The following ZNF592 variants were observed in gnomAD, a reference collection of about 807,000 sequenced individuals.
The protein encoded by ZNF592 is spinocerebellar ataxia, autosomal recessive 5.
A neutral mutation model predicts 80.3 loss-of-function variants in ZNF592; 11 were observed. That is an observed-to-expected ratio of 0.14 (90% confidence interval 0.09 to 0.23). ZNF592 has a LOEUF of 0.23. ZNF592 is among the 10% of genes least tolerant of loss of function. The pLI is 1.00. For missense variants in ZNF592, 1,420 were observed against 1,633.9 expected (o/e 0.87, Z 2.26); for synonymous variants, 646 against 640.3 (o/e 1.01, Z -0.13).
At chr15:84,779,632 G>T (rs142536242) in intron 3 of ZNF592, among the ~76,000 whole-genome samples, 8 of 152,216 alleles carry the variant, frequency 5.3e-5, no homozygotes, top group Admixed American at 5.2e-4. Flanking sequence ...GATTACAGGT[G>T]TGAGCTACTG....
rs10667788 is a variant in ZNF592, at chr15:84,766,706, A to AGTGTGTGTGTGTGTGT, written c.-150+1910_-150+1925dup. 6.6e-3 allele frequency among the ~76,000 whole-genome samples: 927 copies of AGTGTGTGTGTGTGTGT among 140,228 alleles called. 8 individuals carry two copies. Among genetic ancestry groups the AGTGTGTGTGTGTGTGT allele is most frequent in the African/African-American group, 0.017 (628 of 36,856 alleles). The allele number at this position is 140,228 out of a possible 152,430, so 92.0% of individuals were successfully genotyped here. A position where few individuals can be genotyped will look rare whatever the true frequency, so the allele number is the denominator to read the frequency against. ...AATAGAGGGAGAGAGGATGAGAAAGAGTGTGTGTGTGTGTGTGTGTGTGTG... is the reference window on the plus strand; with the variant it reads ...AATAGAGGGAGAGAGGATGAGAAAGAGTGTGTGTGTGTGTGTGTGTGTGTGTGTGTGTGTGTGTGTG... On this transcript the variant is annotated intron_variant, in intron 2 of 10. Coordinates refer to ENST00000560079, the MANE Select transcript of ZNF592 (RefSeq NM_014630.3).
At chr15:84,792,427 C>T (rs957260605) in intron 5 of ZNF592, among the ~76,000 whole-genome samples, 1 of 152,184 alleles carries the variant, frequency 6.6e-6, no homozygotes, top group African/African-American at 2.4e-5. Flanking sequence ...CAATGACTCC[C>T]ACATTTCTGT....
At chr15:84,754,503 A>T (rs1291650713) in intron 1 of ZNF592, 1 of 152,198 alleles carries the variant, frequency 6.6e-6, no homozygotes, top group Non-Finnish European at 1.5e-5. Context: ...CTGACGTTGC[A>T]GTGAGCCAAG....
At chr15:84,794,092 C>T (rs554846679) in intron 5 of ZNF592, among the ~76,000 whole-genome samples, 13 of 150,172 alleles carry the variant, frequency 8.7e-5, no homozygotes, top group East Asian at 7.9e-4. Flanking sequence ...GGCCTGTCAG[C>T]GGGTGGGGGG....
At chr15:84,786,843 T>C (rs1281793631) in intron 4 of ZNF592, among the ~76,000 whole-genome samples, 1 of 133,974 alleles carries the variant, frequency 7.5e-6, no homozygotes, top group East Asian at 2.1e-4. Context: ...TTACGTATCT[T>C]TTTTTTTTTT....
chr15:84,762,876 T>C (rs1313603699), intron 1 of ZNF592, among the ~76,000 whole-genome samples: 1 of 152,216 alleles, frequency 6.6e-6, no homozygotes, highest in Non-Finnish European at 1.5e-5. Context: ...TAGAATCTCT[T>C]TGGCTCCGAT....
At position 84,798,269 on chromosome 15, in the gene ZNF592, T is replaced by A. The variant is rs749482533; in HGVS notation, c.2577-46T>A. On this transcript the variant is annotated intron_variant, in intron 6 of 10. Coordinates refer to ENST00000560079, the MANE Select transcript of ZNF592 (RefSeq NM_014630.3). The surrounding 1 kb of genome is among the most constrained non-coding windows in gnomAD (Gnocchi z 4.5). ...AGAGAGCAGAGATGGGTGGAGGGGC[T>A]GCATGGTGCCTTGGCCACCTCACCC... The A allele has an allele frequency of 6.2e-7, 1 of 1,613,286 alleles. No individual in the cohort carries two copies. The highest frequency in any genetic ancestry group is 8.5e-7 in the Non-Finnish European group (1 of 1,179,870).
chr15:84,779,323 CAAT>C (rs1165943141), intron 3 of ZNF592, among the ~76,000 whole-genome samples: 1 of 152,016 alleles, frequency 6.6e-6, no homozygotes, highest in Non-Finnish European at 1.5e-5. Flanking sequence ...TATTTAAAAA[CAAT>C]GTGATGCTTT....
intron 5 of ZNF592, among the ~76,000 whole-genome samples, chr15:84,793,179 CA>C (rs1273805748): frequency 6.6e-6 from 1 of 152,076 alleles, no homozygotes; most frequent in African/African-American, 2.4e-5. Flanking sequence ...CGAGTTCAAG[CA>C]ATTCTCCTGC....
chr15:84,784,917 C>G lies in ZNF592; in HGVS notation c.2220+22C>G. On this transcript the variant is annotated intron_variant, in intron 4 of 10. Transcript: ENST00000560079. This position sits in a 1 kb window ranked among gnomAD's most constrained non-coding sequence, Gnocchi z 5.8. ...GCTGGTAAGCAGACCCTCACTGTTA[C>G]GGGTATCGGGCCCCTGGCTCACACA... The G allele has an allele frequency of 1.2e-6, 2 of 1,613,786 alleles. No individual in the cohort carries two copies. The highest frequency in any genetic ancestry group is 1.7e-6 in the Non-Finnish European group (2 of 1,179,898).
At position 84,802,308 on chromosome 15, in the gene ZNF592, C is replaced by T. The variant is rs1408410379; in HGVS notation, c.3719C>T (p.Pro1240Leu). The T allele has an allele frequency of 1.9e-6, 3 of 1,613,700 alleles. No individual in the cohort carries two copies. The highest frequency in any genetic ancestry group is 4.5e-5 in the East Asian group (2 of 44,896). ...GCGAGGAGATTGCTGGGCCCGGCCCCTGAGGACGATGGTGGCCACAATGAT... is the reference window on the plus strand; with the variant it reads ...GCGAGGAGATTGCTGGGCCCGGCCCTTGAGGACGATGGTGGCCACAATGAT... ...PEARRLLGPA[P>L]EDDGGHNDHS... is the part of the protein sequence containing the mutation. The change falls in exon 11 of 11, where the codon CCT (proline) becomes CTT (leucine). Residue 1240 changes from proline (P) to leucine (L), a missense_variant. Physicochemically the swap from Pro to Leu is moderately conservative, Grantham distance 98. Coordinates refer to ENST00000560079, the MANE Select transcript of ZNF592 (RefSeq NM_014630.3).
Position 84,798,761 on chromosome 15 carries a change from C to T in ZNF592, c.2910C>T (p.Arg970=), listed in dbSNP as rs375943506. 2 of 1,607,394 alleles carry T rather than the reference C, an allele frequency of 1.2e-6. No homozygotes were observed. The highest frequency in any genetic ancestry group is 1.7e-6 in the Non-Finnish European group (2 of 1,179,804). The change falls in exon 8 of 11, where the codon CGC becomes CGT. Residue 970 remains arginine, a synonymous_variant. Transcript: ENST00000560079. This position sits in a 1 kb window ranked among gnomAD's most constrained non-coding sequence, Gnocchi z 4.5. The part of the protein sequence containing the change: ...SGRWGRPEAH[R]RVEARPRLRN... The stretch of plus-strand genomic sequence containing the variant: ...GCTGGGGTAGGCCTGAAGCCCACCG[C>T]AGGGTGGAAGCCAGGCCGCGGCTGA...
intron 2 of ZNF592, among the ~76,000 whole-genome samples, chr15:84,769,587 C>A (rs912137264): frequency 1.3e-5 from 2 of 150,834 alleles, no homozygotes; most frequent in African/African-American, 2.4e-5. Flanking sequence ...CGTAAGGAGG[C>A]CTTTGTGTGC....
chr15:84,769,904 T>G (rs1899649392), intron 2 of ZNF592, among the ~76,000 whole-genome samples: 1 of 152,076 alleles, frequency 6.6e-6, no homozygotes, highest in South Asian at 2.1e-4. Flanking sequence ...GCCTCCTGAG[T>G]AGCTGGTACT....
Position 84,799,728 on chromosome 15 carries a change from C to G in ZNF592, c.3138-114C>G. On this transcript the variant is annotated intron_variant, in intron 9 of 10. Transcript: ENST00000560079. This position sits in a 1 kb window ranked among gnomAD's most constrained non-coding sequence, Gnocchi z 4.2. ...CTGGATCTCTCTGGGGTTCCCAGCACTAGCCAGCCCAGGAGTCTGCTCCAG... is the reference window on the plus strand; with the variant it reads ...CTGGATCTCTCTGGGGTTCCCAGCAGTAGCCAGCCCAGGAGTCTGCTCCAG... 6.5e-7 allele frequency: 1 copy of G among 1,538,928 alleles called. No individual in the cohort carries two copies.
In ZNF592 at chr15:84,798,874, G is replaced by A. The variant is rs569175839; in HGVS notation, c.3023G>A (p.Arg1008Gln). The change falls in exon 8 of 11, where the codon CGG becomes CAG. Residue 1008 changes from arginine (R) to glutamine (Q), a missense_variant and splice_region_variant. Around this residue, in one of 7 missense-constraint regions of ZNF592, gnomAD observed 331 missense variants for 347.0 expected, o/e 0.95. Transcript: ENST00000560079. The surrounding 1 kb of genome is among the most constrained non-coding windows in gnomAD (Gnocchi z 4.5). ...YVSHMKKSHG[R>Q]TLKRYPCRQC... The stretch of plus-strand genomic sequence containing the variant: ...TCCCACATGAAAAAGAGCCACGGTC[G>A]GGTAAGTGCAGCCACACAGTCATAA... The A allele has an allele frequency of 2.3e-5, 36 of 1,597,896 alleles. 2 individuals carry two copies. In the South Asian group the frequency reaches 3.0e-4, roughly 13 times the overall value.
chr15:84,783,314 G>A lies in ZNF592; in HGVS notation c.639G>A (p.Gly213=), dbSNP rs1962477020. Residue 213 remains glycine (G), a synonymous_variant, in exon 4 of 11, where the codon GGG becomes GGA. Coordinates refer to ENST00000560079, the MANE Select transcript of ZNF592 (RefSeq NM_014630.3). The surrounding 1 kb of genome is among the most constrained non-coding windows in gnomAD (Gnocchi z 5.0). The part of the protein sequence containing the change: ...KEPKPEPLPL[G]SQQEHEQSGQ... Reference sequence around the variant, plus strand: ...CCAAGCCAGAACCCCTGCCCTTGGGGAGCCAGCAGGAACACGAGCAAAGTG... The same window carrying A: ...CCAAGCCAGAACCCCTGCCCTTGGGAAGCCAGCAGGAACACGAGCAAAGTG... 1 of 1,614,248 alleles carries A rather than the reference G, an allele frequency of 6.2e-7. No homozygotes were observed. Among genetic ancestry groups the A allele is most frequent in the Non-Finnish European group, 8.5e-7 (1 of 1,180,050 alleles).
Position 84,798,896 on chromosome 15 carries a change from A to T in ZNF592, c.3024+21A>T. On this transcript the variant is annotated intron_variant, in intron 8 of 10. Coordinates refer to ENST00000560079, the MANE Select transcript of ZNF592 (RefSeq NM_014630.3). This position sits in a 1 kb window ranked among gnomAD's most constrained non-coding sequence, Gnocchi z 4.5. ...GTCGGGTAAGTGCAGCCACACAGTC[A>T]TAATGCAGAGCCCAGTCCTCTGGAC... The T allele has an allele frequency of 1.3e-6, 2 of 1,598,266 alleles. No individual in the cohort carries two copies. The highest frequency in any genetic ancestry group is 1.7e-6 in the Non-Finnish European group (2 of 1,179,508).
chr15:84,799,027 C>G lies in ZNF592; in HGVS notation c.3025-71C>G. 1 of 1,601,178 alleles carries G rather than the reference C, an allele frequency of 6.2e-7. No individual in the cohort carries two copies. The highest frequency in any genetic ancestry group is 8.6e-7 in the Non-Finnish European group (1 of 1,168,322). On this transcript the variant is annotated intron_variant, in intron 8 of 10. Transcript: ENST00000560079. The surrounding 1 kb of genome is among the most constrained non-coding windows in gnomAD (Gnocchi z 4.2). ...GTATCCTCCTTTCTGCCCATGGCAT[C>G]TGAGAAGAAAAATGCACCCAGAACT...
Sources: gnomAD v4.1 joint callset for allele counts (sites outside exome capture counted in the v4.1 genomes callset) on GRCh38, gnomAD v4.1.1 for gene constraint, gnomAD v4.1.1 regional missense constraint, Gnocchi (gnomAD v3.1) non-coding constraint, MANE v1.5 for transcripts, NCBI Gene and HGNC (gene_info 2026-07-23, HGNC 2026-07-21) for gene names.